The following MAPKAP1 variants were observed in gnomAD, a reference collection of about 807,000 sequenced individuals.
The protein encoded by MAPKAP1 is MAPK associated protein 1, also known as target of rapamycin complex 2 subunit MAPKAP1.
MAPKAP1 carries 20 observed loss-of-function variants against 65.7 expected under a neutral mutation model. That is an observed-to-expected ratio of 0.30 (90% CI 0.21 to 0.44). The LOEUF (loss-of-function observed/expected upper bound fraction) is 0.44. Among genes scored for constraint, MAPKAP1 ranks in the 20% least tolerant of loss-of-function variants. The pLI is 1.00. For missense variants in MAPKAP1, 423 were observed against 648.0 expected (o/e 0.65, Z 3.77); for synonymous variants, 222 against 244.3 (o/e 0.91, Z 0.85).
chr9:125,659,708 A>G (rs1290018114), intron 3 of MAPKAP1, among the ~76,000 whole-genome samples: 1 of 86,712 alleles, frequency 1.2e-5, no homozygotes, highest in Admixed American at 1.4e-4. Flanking sequence ...GTACTGAAAC[A>G]CTGCTCATTA....
chr9:125,561,750 G>A (rs910986269), intron 5 of MAPKAP1, among the ~76,000 whole-genome samples: 2 of 152,172 alleles, frequency 1.3e-5, no homozygotes, highest in Admixed American at 6.5e-5. Context: ...TCGTCCCTCA[G>A]AGATTGTAAA....
chr9:125,602,269 A>C (rs1564577751), intron 4 of MAPKAP1, among the ~76,000 whole-genome samples: 1 of 152,134 alleles, frequency 6.6e-6, no homozygotes, highest in Non-Finnish European at 1.5e-5. Flanking sequence ...AAAAGAAAGA[A>C]ATATAAACAT....
intron 5 of MAPKAP1, among the ~76,000 whole-genome samples, chr9:125,566,619 C>T (rs1831063240): frequency 6.6e-6 from 1 of 152,014 alleles, no homozygotes; most frequent in South Asian, 2.1e-4. Context: ...TCTTCATTCA[C>T]TTGGATGTCT....
chr9:125,690,213 C>G (rs1275577859), intron 1 of MAPKAP1, among the ~76,000 whole-genome samples: 1 of 152,084 alleles, frequency 6.6e-6, no homozygotes, highest in Non-Finnish European at 1.5e-5. Context: ...ACTTAGCCAC[C>G]TTAATAGTTA....
intron 4 of MAPKAP1, among the ~76,000 whole-genome samples, chr9:125,656,512 G>A (rs1372812360): frequency 2.6e-5 from 4 of 152,058 alleles, no homozygotes; most frequent in Non-Finnish European, 5.9e-5. Flanking sequence ...AACCTCATGT[G>A]CCAGTGGCCA....
At chr9:125,690,120 A>G (rs1199140466) in intron 1 of MAPKAP1, among the ~76,000 whole-genome samples, 1 of 152,174 alleles carries the variant, frequency 6.6e-6, no homozygotes, top group Non-Finnish European at 1.5e-5. Flanking sequence ...GACACAAAGA[A>G]AAAATATCTA....
intron 6 of MAPKAP1, chr9:125,559,364 A>C (rs1830826294): frequency 7.6e-6 from 2 of 262,896 alleles, no homozygotes; most frequent in South Asian, 2.8e-4. Context: ...CCAGTGCACC[A>C]GTGTTTCCAG....
intron 4 of MAPKAP1, among the ~76,000 whole-genome samples, chr9:125,646,254 G>A (rs1336132022): frequency 6.6e-6 from 1 of 152,060 alleles, no homozygotes; most frequent in Non-Finnish European, 1.5e-5. Flanking sequence ...GTAGAGGTAG[G>A]AGGATCACTT....
intron 5 of MAPKAP1, among the ~76,000 whole-genome samples, chr9:125,579,001 T>C (rs1831534993): frequency 2.0e-5 from 3 of 152,224 alleles, no homozygotes; most frequent in Non-Finnish European, 4.4e-5. Context: ...AAAAATTTCA[T>C]AGTCCACATT....
chr9:125,704,839 G>A (rs1019885492), intron 1 of MAPKAP1, among the ~76,000 whole-genome samples: 2 of 152,106 alleles, frequency 1.3e-5, no homozygotes, highest in Non-Finnish European at 2.9e-5. Context: ...ACTTTACCAC[G>A]TACCAGGCCC....
intron 5 of MAPKAP1, among the ~76,000 whole-genome samples, chr9:125,564,847 A>G (rs1021313325): frequency 6.6e-6 from 1 of 152,202 alleles, no homozygotes; most frequent in African/African-American, 2.4e-5. Context: ...GCAGAGACCT[A>G]AAAGTCCTGT....
chr9:125,612,757 C>T (rs1040308390), intron 4 of MAPKAP1, among the ~76,000 whole-genome samples: 1 of 152,184 alleles, frequency 6.6e-6, no homozygotes, highest in African/African-American at 2.4e-5. Flanking sequence ...AAAACTATGG[C>T]TGCAGCCCAG....
chr9:125,554,585 G>C (rs946176275), intron 6 of MAPKAP1, among the ~76,000 whole-genome samples: 1 of 152,120 alleles, frequency 6.6e-6, no homozygotes, highest in African/African-American at 2.4e-5. Context: ...GACTGCTTGA[G>C]CTCAGGAGTT....
intron 10 of MAPKAP1, 137 bp downstream of exon 10, chr9:125,467,835 A>G (rs1306674542): frequency 4.2e-6 from 4 of 960,382 alleles, no homozygotes; most frequent in Non-Finnish European, 4.7e-6. Context: ...TTTGATTAAA[A>G]GAAATTTCTG....
chr9:125,508,073 G>T (rs1394289735), intron 7 of MAPKAP1, among the ~76,000 whole-genome samples: 4 of 152,128 alleles, frequency 2.6e-5, no homozygotes, highest in African/African-American at 9.7e-5. Flanking sequence ...GGCTGAGGCG[G>T]GGGGATTGCT....
At position 125,464,832 on chromosome 9, in the gene MAPKAP1, A is replaced by C. The variant is rs568416988; in HGVS notation, c.1345+3140T>G. Among the ~76,000 whole-genome samples the C allele has an allele frequency of 1.2e-4, 19 of 152,350 alleles. No homozygotes were observed. In the South Asian group the frequency reaches 3.9e-3, roughly 32 times the overall value. On this transcript the variant is annotated intron_variant, in intron 10 of 11. Coordinates refer to ENST00000265960, the MANE Select transcript of MAPKAP1 (RefSeq NM_001006617.3). ...AGTCAGCTATTCACACACTTTTTGG[A>C]TATGGCATCAATTAAACTTGAGTTC...
intron 9 of MAPKAP1, among the ~76,000 whole-genome samples, chr9:125,484,123 G>A (rs868466544): frequency 1.8e-4 from 28 of 152,154 alleles, no homozygotes; most frequent in African/African-American, 5.8e-4. Context: ...AGGTGGCACC[G>A]TCACAAAGCA....
At chr9:125,604,089 A>G (rs773667197) in intron 4 of MAPKAP1, among the ~76,000 whole-genome samples, 23 of 152,086 alleles carry the variant, frequency 1.5e-4, no homozygotes, top group Non-Finnish European at 3.2e-4. Flanking sequence ...AAAAGTACAC[A>G]CTCTCCTGGA....
intron 8 of MAPKAP1, among the ~76,000 whole-genome samples, chr9:125,489,760 T>C (rs1004211618): frequency 2.9e-4 from 44 of 152,128 alleles, no homozygotes; most frequent in African/African-American, 9.4e-4. Flanking sequence ...AGGTGGAGTC[T>C]AGGGCCTGCA....
Sources: allele counts gnomAD v4.1 joint callset (sites outside exome capture counted in the v4.1 genomes callset), GRCh38; gene constraint gnomAD v4.1.1; transcripts MANE v1.5; gene names NCBI Gene and HGNC (gene_info 2026-07-23, HGNC 2026-07-21).